Variants in TMTC3 observed in about 807,000 individuals in gnomAD.
TMTC3 encodes the protein protein O-mannosyl-transferase TMTC3.
Under a neutral mutation model 92.2 loss-of-function variants are expected in TMTC3, and 52 were observed. The ratio of observed to expected loss-of-function variants is 0.56; its 90% confidence interval spans 0.45 to 0.71. The LOEUF (loss-of-function observed/expected upper bound fraction) is 0.71. TMTC3 is among the 30% of genes least tolerant of loss of function. TMTC3 has a pLI of 0.00. For missense variants in TMTC3, 896 were observed against 1,057.1 expected, an observed-to-expected ratio of 0.85 and a Z score of 2.11; for synonymous variants, 339 against 363.3, an observed-to-expected ratio of 0.93 and a Z score of 0.76.
chr12:88,167,973 CAGA>C (rs891828933), intron 7 of TMTC3, among the ~76,000 whole-genome samples: 3 of 152,108 alleles, frequency 2.0e-5, no homozygotes, highest in Admixed American at 6.6e-5. Flanking sequence ...TCTAGATGCA[CAGA>C]AGTTCACTCA....
chr12:88,149,449 T>A (rs759316069), intron 2 of TMTC3, among the ~76,000 whole-genome samples: 1 of 152,180 alleles, frequency 6.6e-6, no homozygotes, highest in Non-Finnish European at 1.5e-5. Flanking sequence ...AAGAGAGTAA[T>A]GCTTCAAATT....
At chr12:88,185,408 AT>A (rs2138430448) in intron 10 of TMTC3, among the ~76,000 whole-genome samples, 1 of 151,982 alleles carries the variant, frequency 6.6e-6, no homozygotes, top group African/African-American at 2.4e-5. Context: ...TGTTGTATGA[AT>A]CAAAAACCCA....
intron 12 of TMTC3, among the ~76,000 whole-genome samples, chr12:88,191,517 G>A (rs1400281884): frequency 6.6e-6 from 1 of 152,060 alleles, no homozygotes; most frequent in Non-Finnish European, 1.5e-5. Flanking sequence ...AATATTATTT[G>A]TACATATGTA....
intron 2 of TMTC3, 63 bp from the exon 3 acceptor site, chr12:88,153,228 T>C: frequency 9.6e-7 from 1 of 1,046,594 alleles, no homozygotes. Context: ...AATGCAGTGA[T>C]GAGCTTTTGT....
intron 8 of TMTC3, among the ~76,000 whole-genome samples, chr12:88,174,295 G>A (rs2041235583): frequency 6.6e-6 from 1 of 151,952 alleles, no homozygotes; most frequent in African/African-American, 2.4e-5. Context: ...ATGGCACAAA[G>A]GACTGTAAGT....
rs546436263 is a variant in TMTC3 at position 88,171,091 on chromosome 12, T to C, written c.1051-1506T>C. On this transcript the variant is annotated intron_variant, in intron 7 of 13. Coordinates refer to ENST00000266712, the MANE Select transcript of TMTC3 (RefSeq NM_181783.4). ...TATGTGAAGTAATGCTAAGGTACAG[T>C]AGTCTGCTATCTTGTCTGAACGACA... Among the ~76,000 whole-genome samples the C allele has an allele frequency of 3.0e-4, 46 of 152,260 alleles. No individual in the cohort carries two copies. In the South Asian group the frequency reaches 9.1e-3, roughly 30 times the overall value.
chr12:88,192,772 A>C lies in TMTC3; in HGVS notation c.1875A>C (p.Glu625Asp), dbSNP rs772740480. 2 of 1,613,410 alleles carry C rather than the reference A, an allele frequency of 1.2e-6. No individual in the cohort carries two copies. The highest frequency in any genetic ancestry group is 2.2e-5 in the South Asian group (2 of 91,068). The part of the protein sequence containing the change: ...EALKNFNRAL[E>D]LNPKHKLALF... ...TAAAAAACTTTAATCGTGCTCTGGA[A>C]CTAAATCCAAAGCATAAACTAGCAT... The change falls in exon 13 of 14, where the codon GAA (glutamate) becomes GAC (aspartate). Residue 625 changes from glutamate (E) to aspartate (D), a missense_variant. Glu to Asp is a conservative substitution (Grantham distance 45). Coordinates refer to ENST00000266712, the MANE Select transcript of TMTC3 (RefSeq NM_181783.4).
intron 1 of TMTC3, among the ~76,000 whole-genome samples, chr12:88,145,428 A>G (rs2040861046): frequency 6.6e-6 from 1 of 152,180 alleles, no homozygotes; most frequent in Non-Finnish European, 1.5e-5. Flanking sequence ...TTAGTTTTGT[A>G]TATCTATAAT....
Position 88,174,633 on chromosome 12 carries a change from GTCT to G in TMTC3, c.1227_1229del (p.Cys409_Leu410delinsTrp). 6.2e-7 allele frequency: 1 copy of G among 1,610,440 alleles called. No individual in the cohort carries two copies. Among genetic ancestry groups the G allele is most frequent in the Non-Finnish European group, 8.5e-7 (1 of 1,178,408 alleles). On this transcript the variant is annotated inframe_deletion, in exon 9 of 14. Transcript: ENST00000266712. ...GTATTTAAAAAGCTATCCTGGATTT[GTCT>G]GTCTATGGTGATACTCACTCATTCC... is the stretch of plus-strand genomic sequence containing the variant.
chr12:88,154,870 G>C (rs1245561050), intron 4 of TMTC3, among the ~76,000 whole-genome samples: 1 of 152,086 alleles, frequency 6.6e-6, no homozygotes, highest in Non-Finnish European at 1.5e-5. Flanking sequence ...GAATACATTA[G>C]CTCATTACTC....
chr12:88,156,707 A>AC (rs397822775), intron 4 of TMTC3, among the ~76,000 whole-genome samples: 1 of 150,580 alleles, frequency 6.6e-6, no homozygotes, highest in Admixed American at 6.6e-5. Flanking sequence ...AAAAAAAAAA[A>AC]TTCCCACTCT....
chr12:88,185,475 T>C (rs1350633001), intron 10 of TMTC3, among the ~76,000 whole-genome samples: 1 of 152,146 alleles, frequency 6.6e-6, no homozygotes, highest in South Asian at 2.1e-4. Flanking sequence ...AGTTTGTTTA[T>C]CCATTTACCT....
chr12:88,192,008 A>ATTTTTCTTTTTTTT (rs1458558833), intron 12 of TMTC3, among the ~76,000 whole-genome samples: 1 of 117,384 alleles, frequency 8.5e-6, no homozygotes, highest in Non-Finnish European at 1.7e-5. Context: ...CATGCCCAGC[A>ATTTTTCTTTTTTTT]TTTTTCTTTT....
intron 10 of TMTC3, among the ~76,000 whole-genome samples, chr12:88,184,685 C>T (rs2041356069): frequency 6.6e-6 from 1 of 152,118 alleles, no homozygotes; most frequent in African/African-American, 2.4e-5. Context: ...CTGGGGAATC[C>T]AGAAGAAATA....
Position 88,198,166 on chromosome 12 carries a change from T to C in TMTC3, c.*2517T>C, listed in dbSNP as rs1688261349. The C allele has an allele frequency of 5.1e-6, 2 of 394,784 alleles. No homozygotes were observed. The highest frequency in any genetic ancestry group is 8.9e-6 in the Non-Finnish European group (2 of 223,742). The allele number at this position is 394,784 out of a possible 1,614,324, so 24.5% of individuals were successfully genotyped here. A position where few individuals can be genotyped will look rare whatever the true frequency, so the allele number is the denominator to read the frequency against. On this transcript the variant is annotated 3_prime_UTR_variant, in exon 14 of 14. Transcript: ENST00000266712. Reference sequence around the variant, plus strand: ...CTTCTCTATAACTTCAAAATAGATATTTCATTCAAACTGTTCAGGTGAGAA... The same window carrying C: ...CTTCTCTATAACTTCAAAATAGATACTTCATTCAAACTGTTCAGGTGAGAA...
chr12:88,143,713 C>T (rs953626090), intron 1 of TMTC3, among the ~76,000 whole-genome samples: 5 of 152,152 alleles, frequency 3.3e-5, no homozygotes, highest in African/African-American at 1.2e-4. Context: ...CATAATTTAA[C>T]ATGGGATGGT....
intron 6 of TMTC3, among the ~76,000 whole-genome samples, chr12:88,162,145 C>T (rs1434331266): frequency 2.6e-5 from 4 of 152,072 alleles, no homozygotes; most frequent in Admixed American, 1.3e-4. Flanking sequence ...ATTCAGTATT[C>T]TGAAAATGTA....
At chr12:88,165,722 AC>A (rs2041135916) in intron 6 of TMTC3, among the ~76,000 whole-genome samples, 1 of 152,124 alleles carries the variant, frequency 6.6e-6, no homozygotes, top group Non-Finnish European at 1.5e-5. Flanking sequence ...AGAAAGTAGA[AC>A]ACAAATTCTT....
chr12:88,176,757 T>G (rs2041264117), intron 10 of TMTC3, among the ~76,000 whole-genome samples: 1 of 152,156 alleles, frequency 6.6e-6, no homozygotes, highest in South Asian at 2.1e-4. Flanking sequence ...TACTCCAGCC[T>G]GGGTGACAGA....
Sources: allele counts gnomAD v4.1 joint callset (sites outside exome capture counted in the v4.1 genomes callset), GRCh38; gene constraint gnomAD v4.1.1; transcripts MANE v1.5; gene names NCBI Gene and HGNC (gene_info 2026-07-23, HGNC 2026-07-21).